Variants in MAPK10 observed in about 807,000 individuals in gnomAD.
MAPK10 encodes the protein mitogen-activated protein kinase 10, also known as JNK3 alpha protein kinase.
In MAPK10, 25 loss-of-function variants were observed where a neutral mutation model predicts 59.3. The ratio of observed to expected loss-of-function variants is 0.42; its 90% CI spans 0.31 to 0.59. The LOEUF is 0.59. MAPK10 is among the 20% of genes least tolerant of loss of function. MAPK10 has a pLI of 0.15. For missense variants in MAPK10, 351 were observed against 568.9 expected (o/e 0.62, Z 3.90); for synonymous variants, 190 against 200.5 (o/e 0.95, Z 0.44).
chr4:86,360,695 T>A (rs986427552), upstream of MAPK10, among the ~76,000 whole-genome samples: 1 of 152,160 alleles, frequency 6.6e-6, no homozygotes, highest in Non-Finnish European at 1.5e-5. Context: ...GATAATTTTC[T>A]AGAGAACTGA....
chr4:86,354,544 T>C lies in MAPK10; in HGVS notation c.-21A>G. On this transcript the variant is annotated 5_prime_UTR_variant, in exon 2 of 14. Transcript: ENST00000641462. Reference sequence around the variant, plus strand: ...TGGCAACTCACCACAGCTTGTATGGTTTCTCATCTATAGGAAACGGGTCTA... The same window carrying C: ...TGGCAACTCACCACAGCTTGTATGGCTTCTCATCTATAGGAAACGGGTCTA... The C allele has an allele frequency of 8.1e-7, 1 of 1,229,006 alleles. No homozygotes were observed. The highest frequency in any genetic ancestry group is 1.0e-6 in the Non-Finnish European group (1 of 985,166). 76.1% of individuals were successfully genotyped at this position (1,229,006 alleles called of 1,614,324 possible). A position where few individuals can be genotyped will look rare whatever the true frequency, so the allele number is the denominator to read the frequency against.
At chr4:86,576,382 G>A (rs1386369627) in intron 1 of MAPK10, among the ~76,000 whole-genome samples, 1 of 152,132 alleles carries the variant, frequency 6.6e-6, no homozygotes, top group Non-Finnish European at 1.5e-5. Flanking sequence ...ACTAAACCGG[G>A]GTGGGGGTGT....
At chr4:86,232,339 AT>A (rs1262324427) in intron 2 of MAPK10, among the ~76,000 whole-genome samples, 1 of 152,156 alleles carries the variant, frequency 6.6e-6, no homozygotes, top group Non-Finnish European at 1.5e-5. Flanking sequence ...CCCCTGGGAC[AT>A]TAAAACATCT....
At chr4:86,553,232 G>C (rs959206077) in intron 1 of MAPK10, among the ~76,000 whole-genome samples, 1 of 151,984 alleles carries the variant, frequency 6.6e-6, no homozygotes, top group East Asian at 1.9e-4. Flanking sequence ...GAAGTGTGAG[G>C]GTCTCCCACT....
intron 3 of MAPK10, among the ~76,000 whole-genome samples, chr4:86,182,727 A>G (rs2077188765): frequency 6.6e-6 from 1 of 152,164 alleles, no homozygotes; most frequent in Non-Finnish European, 1.5e-5. Flanking sequence ...AATAAAAATA[A>G]GTGTTTTTAT....
At chr4:86,296,449 C>G (rs998939913) in intron 2 of MAPK10, among the ~76,000 whole-genome samples, 5 of 152,080 alleles carry the variant, frequency 3.3e-5, no homozygotes, top group African/African-American at 1.2e-4. Context: ...AAATGGAAAA[C>G]TTCTATGATG....
At chr4:86,465,830 CT>C (rs1401530559) in intron 1 of MAPK10, among the ~76,000 whole-genome samples, 1 of 152,166 alleles carries the variant, frequency 6.6e-6, no homozygotes, top group African/African-American at 2.4e-5. Context: ...AGGACCCCAG[CT>C]GTCACGAGCA....
intron 1 of MAPK10, among the ~76,000 whole-genome samples, chr4:86,541,947 GCACACACACACACACACACACACACA>G (rs10555824): frequency 1.9e-4 from 27 of 140,376 alleles, no homozygotes; most frequent in Non-Finnish European, 3.2e-4. Flanking sequence ...GAATACACCG[GCACACACACACACACACACACACACA>G]CACACACACA....
intron 2 of MAPK10, among the ~76,000 whole-genome samples, chr4:86,308,927 T>C (rs1194003314): frequency 6.6e-6 from 1 of 152,192 alleles, no homozygotes; most frequent in African/African-American, 2.4e-5. Context: ...ATTCTCAATA[T>C]GGTGATGAAT....
At chr4:86,362,656 G>A (rs138341476), upstream of MAPK10, among the ~76,000 whole-genome samples, 22 of 152,102 alleles carry the variant, frequency 1.4e-4, no homozygotes, top group East Asian at 4.2e-3. Context: ...ATTTGACAAA[G>A]GAAAATTTAT....
chr4:86,455,365 C>T (rs1751139393), upstream of MAPK10, among the ~76,000 whole-genome samples: 2 of 152,060 alleles, frequency 1.3e-5, no homozygotes, highest in African/African-American at 2.4e-5. Context: ...AAGAATTCAC[C>T]AGCCAACTAG....
intron 9 of MAPK10, chr4:86,089,528 T>C (rs139599057): frequency 2.7e-6 from 1 of 367,052 alleles, no homozygotes. Flanking sequence ...AATATTACTT[T>C]GCAATTATAA....
chr4:86,102,037 A>G lies in MAPK10; in HGVS notation c.426-5T>C, dbSNP rs746135630. The G allele has an allele frequency of 9.3e-6, 15 of 1,613,328 alleles. No homozygotes were observed. Among genetic ancestry groups the G allele is most frequent in the African/African-American group, 4.0e-5 (3 of 74,930 alleles). On this transcript the variant is annotated splice_polypyrimidine_tract_variant and splice_region_variant and intron_variant, in intron 6 of 13. Coordinates refer to ENST00000641462, the MANE Select transcript of MAPK10 (RefSeq NM_138982.4). ...ATCAGTTCCATTACTAAGTAACTAG[A>G]AGGGTGAATCCACAGTGTTAGTTCC...
intron 1 of MAPK10, among the ~76,000 whole-genome samples, chr4:86,513,336 C>T (rs1433007218): frequency 4.6e-5 from 7 of 152,154 alleles, no homozygotes; most frequent in Admixed American, 2.0e-4. Context: ...GCATGAACCA[C>T]CACACCCAAG....
intron 1 of MAPK10, among the ~76,000 whole-genome samples, chr4:86,403,537 A>C (rs1001977032): frequency 6.6e-6 from 1 of 152,052 alleles, no homozygotes; most frequent in Non-Finnish European, 1.5e-5. Context: ...ACACACAAAA[A>C]ACAACAACAA....
chr4:86,027,622 G>C (rs1751011883), intron 13 of MAPK10: 2 of 152,136 alleles, frequency 1.3e-5, no homozygotes, highest in Non-Finnish European at 2.9e-5. Context: ...CTTGAATTTT[G>C]TGTTTGGAAT....
intron 1 of MAPK10, among the ~76,000 whole-genome samples, chr4:86,562,486 C>T (rs548722648): frequency 6.6e-5 from 10 of 152,022 alleles, no homozygotes; most frequent in Admixed American, 1.3e-4. Context: ...CCCAGGAGTT[C>T]GAGACCAGCC....
upstream of MAPK10, among the ~76,000 whole-genome samples, chr4:86,455,275 G>A (rs1034609521): frequency 6.6e-6 from 1 of 152,028 alleles, no homozygotes; most frequent in Non-Finnish European, 1.5e-5. Context: ...GAATGGAACA[G>A]TACCTCACAA....
chr4:86,096,032 C>T (rs1346696626), intron 9 of MAPK10, among the ~76,000 whole-genome samples: 1 of 151,254 alleles, frequency 6.6e-6, no homozygotes, highest in East Asian at 1.9e-4. Flanking sequence ...CTTTTAGGTC[C>T]ACATGCAGGG....
Sources: gnomAD v4.1 joint callset for allele counts (sites outside exome capture counted in the v4.1 genomes callset) on GRCh38, gnomAD v4.1.1 for gene constraint, MANE v1.5 for transcripts, NCBI Gene and HGNC (gene_info 2026-07-23, HGNC 2026-07-21) for gene names.